The following NPHP3 variants were observed in gnomAD, a reference collection of about 807,000 sequenced individuals.
The protein encoded by NPHP3 is nephrocystin-3.
In NPHP3, 123 loss-of-function variants were observed where a neutral mutation model predicts 171.9. That is an observed-to-expected ratio of 0.72 (90% confidence interval 0.62 to 0.83). The LOEUF (loss-of-function observed/expected upper bound fraction) is 0.83. Ranked by LOEUF, NPHP3 falls within the 40% of genes least tolerant of loss-of-function variation. NPHP3 has a pLI of 0.00. For synonymous variants in NPHP3, 558 were observed against 579.2 expected (o/e 0.96, Z 0.52); for missense variants, 1,506 against 1,591.9 (o/e 0.95, Z 0.92).
At chr3:132,688,979 A>T (rs986375211) in intron 20 of NPHP3, 88 bp from the exon 21 acceptor site, 2 of 1,611,732 alleles carry the variant, frequency 1.2e-6, no homozygotes, top group Non-Finnish European at 1.7e-6. Flanking sequence ...ATTATAGCAC[A>T]ACAAATGAAA....
At chr3:132,718,346 CAT>C (rs1560016902) in intron 3 of NPHP3, among the ~76,000 whole-genome samples, 1 of 152,116 alleles carries the variant, frequency 6.6e-6, no homozygotes, top group Non-Finnish European at 1.5e-5. Flanking sequence ...TTCCAGAAAA[CAT>C]GTTTCATTTG....
At chr3:132,708,293 C>G in intron 6 of NPHP3, 36 bp from the exon 7 acceptor site, 1 of 1,601,858 alleles carries the variant, frequency 6.2e-7, no homozygotes, top group Non-Finnish European at 8.5e-7. Context: ...TGCTATACTG[C>G]ATTGTGGCAG....
chr3:132,696,855 A>G lies in NPHP3; in HGVS notation c.2089-42T>C, dbSNP rs147021144. On this transcript the variant is annotated intron_variant, in intron 14 of 26. Coordinates refer to ENST00000337331, the MANE Select transcript of NPHP3 (RefSeq NM_153240.5). The stretch of plus-strand genomic sequence containing the variant: ...AGAAAAACAAAACAGAAATACAAAA[A>G]CCACCCTGGAATTAAGCGGTCTTTA... 597 of 1,517,332 alleles carry G rather than the reference A, an allele frequency of 3.9e-4. 4 individuals carry two copies. The African/African-American group carries it at 7.2e-3, about 18-fold the overall frequency. The allele number at this position is 1,517,332 out of a possible 1,614,324, so 94.0% of individuals were successfully genotyped here.
chr3:132,689,188 G>A lies in NPHP3; in HGVS notation c.2769C>T (p.Phe923=), dbSNP rs116174472. 8.3e-4 allele frequency: 1,344 copies of A among 1,614,050 alleles called. 3 individuals are homozygous for A. The highest frequency in any genetic ancestry group is 1.6e-3 in the Admixed American group (98 of 60,010). ...KDKSAMATEY[F]DSLKQYEKNC... is the part of the protein sequence containing the mutation. ...TTTTCTCATACTGCTTCAATGAATC[G>A]AAGTATTCTGTTGCCATTGCACTTT... Residue 923 remains phenylalanine (F), a synonymous_variant, in exon 20 of 27, where the codon TTC becomes TTT. Transcript: ENST00000337331.
At position 132,701,479 on chromosome 3, in the gene NPHP3, G is replaced by A. The variant is rs772703797; in HGVS notation, c.1579C>T (p.Leu527Phe). The A allele has an allele frequency of 3.1e-6, 5 of 1,613,830 alleles. No individual in the cohort carries two copies. In the Admixed American group the frequency reaches 8.3e-5, roughly 27 times the overall value. Reference protein sequence around the residue: ...VAAPAPIPPLLVSGGPGSGKS... With the variant: ...VAAPAPIPPLFVSGGPGSGKS... ...CCAGAACCTGGTCCTCCAGACACGA[G>A]AAGAGGTGGAATCGGGGCTGGTGCT... The change falls in exon 10 of 27, where the codon CTC (leucine) becomes TTC (phenylalanine). Residue 527 changes from leucine (L) to phenylalanine (F), a missense_variant. Physicochemically the swap from Leu to Phe is conservative, Grantham distance 22. Coordinates refer to ENST00000337331, the MANE Select transcript of NPHP3 (RefSeq NM_153240.5).
At chr3:132,697,605 T>C (rs910719935) in intron 13 of NPHP3, among the ~76,000 whole-genome samples, 1 of 152,216 alleles carries the variant, frequency 6.6e-6, no homozygotes, top group African/African-American at 2.4e-5. Context: ...ATACATTAGA[T>C]AGTTACATGG....
chr3:132,683,363 C>A, intron 25 of NPHP3, 36 bp downstream of exon 25: 2 of 1,587,938 alleles, frequency 1.3e-6, no homozygotes, highest in South Asian at 2.2e-5. Flanking sequence ...ACCATAAAAT[C>A]ATTCACTGAT....
intron 21 of NPHP3, among the ~76,000 whole-genome samples, chr3:132,687,834 T>A (rs1285518384): frequency 2.0e-5 from 3 of 152,206 alleles, no homozygotes; most frequent in Non-Finnish European, 4.4e-5. Context: ...TACCAGAGAT[T>A]GGCTTTTTCT....
chr3:132,682,752 G>T lies in NPHP3; in HGVS notation c.3763C>A (p.Arg1255=). The T allele has an allele frequency of 6.2e-7, 1 of 1,613,582 alleles. No homozygotes were observed. Among genetic ancestry groups the T allele is most frequent in the Non-Finnish European group, 8.5e-7 (1 of 1,179,588 alleles). ...ALKIYEDSLG[R]MHPRVGETLK... Reference sequence around the variant, plus strand: ...GTTTCTCCAACTCGAGGATGCATCCGACCCAGGCTATCTTCATAAATCTTT... The same window carrying T: ...GTTTCTCCAACTCGAGGATGCATCCTACCCAGGCTATCTTCATAAATCTTT... Residue 1255 remains arginine, a synonymous_variant, in exon 26 of 27, where the codon CGG becomes AGG. Coordinates refer to ENST00000337331, the MANE Select transcript of NPHP3 (RefSeq NM_153240.5).
chr3:132,693,071 A>G, intron 16 of NPHP3: 1 of 442,618 alleles, frequency 2.3e-6, no homozygotes. Context: ...AGTGAAAATT[A>G]AAACTGCATA....
In NPHP3 at chr3:132,704,371, C is replaced by T. The variant is rs778415409; in HGVS notation, c.1351G>A (p.Asp451Asn). The T allele has an allele frequency of 6.2e-7, 1 of 1,614,058 alleles. No individual in the cohort carries two copies. Among genetic ancestry groups the T allele is most frequent in the South Asian group, 1.1e-5 (1 of 91,068 alleles). The change falls in exon 9 of 27, where the codon GAC (aspartate) becomes AAC (asparagine). Residue 451 changes from aspartate to asparagine, a missense_variant and splice_region_variant. Asp to Asn is a conservative substitution (Grantham distance 23). Coordinates refer to ENST00000337331, the MANE Select transcript of NPHP3 (RefSeq NM_153240.5). ...TCTGTGTTCTCAAAACCCAGTATGTCCTAAACACAAAGAACAACCACACAA... is the reference window on the plus strand; with the variant it reads ...TCTGTGTTCTCAAAACCCAGTATGTTCTAAACACAAAGAACAACCACACAA... The part of the protein sequence containing the change: ...YICVEKIIKQ[D>N]ILGFENTDLE...
At chr3:132,717,061 G>T in intron 3 of NPHP3, 152 bp from the exon 4 acceptor site, 2 of 795,296 alleles carry the variant, frequency 2.5e-6, no homozygotes, top group Non-Finnish European at 4.0e-6. Flanking sequence ...ATCGACTTTT[G>T]GCAAAGTTCA....
In NPHP3 at chr3:132,715,195, T is replaced by A; in HGVS notation, c.847A>T (p.Ser283Cys). 1.2e-6 allele frequency: 2 copies of A among 1,610,956 alleles called. No individual in the cohort carries two copies. Among genetic ancestry groups the A allele is most frequent in the East Asian group, 4.5e-5 (2 of 44,758 alleles). ...AACAGAGGAGTAACTTGTAATAAAC[T>A]AGCTACAGCAATATCCCAGTCATCT... ...NRDDWDIAVASLLQVTPLFSH... is the reference protein window; with the variant it reads ...NRDDWDIAVACLLQVTPLFSH... Residue 283 changes from serine to cysteine, a missense_variant, in exon 5 of 27, where the codon AGT becomes TGT. By Grantham distance (112) the Ser-to-Cys change is moderately radical (BLOSUM62 -1). This residue lies in a region of NPHP3 where 930 missense variants were observed against 924.9 expected (regional missense o/e 1.01). Coordinates refer to ENST00000337331, the MANE Select transcript of NPHP3 (RefSeq NM_153240.5).
chr3:132,688,811 G>A lies in NPHP3; in HGVS notation c.2964C>T (p.Leu988=). The change falls in exon 21 of 27, where the codon CTC becomes CTT. Residue 988 remains leucine, a synonymous_variant. Coordinates refer to ENST00000337331, the MANE Select transcript of NPHP3 (RefSeq NM_153240.5). The part of the protein sequence containing the change: ...DPDHPRVAQS[L]HQLASVYVQW... ...GCACGTATACACTTGCTAGTTGGTG[G>A]AGGGACTGGGCTACTCTTGGGTGAT... 6.2e-7 allele frequency: 1 copy of A among 1,614,108 alleles called. No individual in the cohort carries two copies. Among genetic ancestry groups the A allele is most frequent in the South Asian group, 1.1e-5 (1 of 91,084 alleles).
chr3:132,701,824 CATCCTGGCTAACACGGTGAA>C (rs1218720987), intron 9 of NPHP3, among the ~76,000 whole-genome samples: 6 of 152,158 alleles, frequency 3.9e-5, no homozygotes, highest in Non-Finnish European at 7.3e-5. Flanking sequence ...AGATCGAGAA[CATCCTGGCTAACACGGTGAA>C]ATCCTGTCTC....
At chr3:132,686,735 A>T (rs930526162) in intron 22 of NPHP3, among the ~76,000 whole-genome samples, 1 of 152,236 alleles carries the variant, frequency 6.6e-6, no homozygotes, top group East Asian at 1.9e-4. Context: ...TGCACACAGC[A>T]TTTTAAATTA....
chr3:132,715,559 T>C (rs974662235), intron 4 of NPHP3, among the ~76,000 whole-genome samples: 1 of 152,214 alleles, frequency 6.6e-6, no homozygotes, highest in Admixed American at 6.5e-5. Flanking sequence ...TTCTTATTAT[T>C]CTTGAAATAT....
chr3:132,699,817 T>C, intron 12 of NPHP3, 101 bp downstream of exon 12: 3 of 1,289,688 alleles, frequency 2.3e-6, no homozygotes, highest in Non-Finnish European at 3.3e-6. Flanking sequence ...AAAAATAACA[T>C]CATATTTTCT....
At chr3:132,699,475 AATCT>A in intron 12 of NPHP3, 25 bp from the exon 13 acceptor site, 2 of 1,440,366 alleles carry the variant, frequency 1.4e-6, no homozygotes, top group Non-Finnish European at 1.9e-6. Flanking sequence ...AACAAAATTC[AATCT>A]ATTAATCAAA....
Sources: gnomAD v4.1 joint callset for allele counts (sites outside exome capture counted in the v4.1 genomes callset) on GRCh38, gnomAD v4.1.1 for gene constraint, gnomAD v4.1.1 regional missense constraint, MANE v1.5 for transcripts, NCBI Gene and HGNC (gene_info 2026-07-23, HGNC 2026-07-21) for gene names.